The following SLC4A10 variants were observed in gnomAD, a reference collection of about 807,000 sequenced individuals.
SLC4A10 encodes the protein sodium-driven chloride bicarbonate exchanger.
A neutral mutation model predicts 137.7 loss-of-function variants in SLC4A10; 42 were observed. The observed-to-expected ratio is 0.30, with a 90% CI of 0.24 to 0.39. The LOEUF (loss-of-function observed/expected upper bound fraction) is 0.39, where lower values mean the gene tolerates loss of function less well. Ranked by LOEUF, SLC4A10 falls within the 10% of genes least tolerant of loss-of-function variation. The pLI is 1.00. For missense variants in SLC4A10, 925 were observed against 1,355.0 expected (o/e 0.68, Z 4.98); for synonymous variants, 474 against 464.1 (o/e 1.02, Z -0.27).
intron 3 of SLC4A10, among the ~76,000 whole-genome samples, chr2:161,818,884 T>G (rs1483721681): frequency 6.6e-6 from 1 of 152,178 alleles, no homozygotes; most frequent in African/African-American, 2.4e-5. Context: ...TTTGCCAGTA[T>G]TTTATTGAGG....
intron 11 of SLC4A10, among the ~76,000 whole-genome samples, chr2:161,899,565 A>G (rs2063882611): frequency 8.5e-5 from 13 of 152,072 alleles, no homozygotes; most frequent in Admixed American, 8.5e-4. Context: ...TTTCCTTAAT[A>G]TATGTTCTTT....
chr2:161,951,066 A>G (rs1392573889), intron 19 of SLC4A10, among the ~76,000 whole-genome samples: 1 of 152,092 alleles, frequency 6.6e-6, no homozygotes, highest in Non-Finnish European at 1.5e-5. Flanking sequence ...CTGAGAACTC[A>G]CCTCCAAGGC....
chr2:161,904,668 T>C (rs1313159563), intron 13 of SLC4A10, 108 bp from the exon 14 acceptor site: 3 of 1,387,166 alleles, frequency 2.2e-6, no homozygotes, highest in Non-Finnish European at 2.9e-6. Context: ...GCTAGACTTT[T>C]CAGGGTGAAG....
At chr2:161,836,224 G>A (rs370405746) in intron 3 of SLC4A10, among the ~76,000 whole-genome samples, 1 of 152,114 alleles carries the variant, frequency 6.6e-6, no homozygotes, top group African/African-American at 2.4e-5. Flanking sequence ...GAAGACAGTT[G>A]TGGTGGCTCA....
At position 161,641,816 on chromosome 2, in the gene SLC4A10, A is replaced by C. The variant is rs138208211; in HGVS notation, c.48+17250A>C. ...TTGCTAAATCTTTATGAGGATAATG[A>C]AATGGTGAACTTAATATCCACATTG... On this transcript the variant is annotated intron_variant, in intron 1 of 26. Coordinates refer to ENST00000446997, the MANE Select transcript of SLC4A10 (RefSeq NM_001178015.2). Among the ~76,000 whole-genome samples, 6 of 152,190 alleles carry C rather than the reference A, an allele frequency of 3.9e-5. 1 individual carries two copies. In the East Asian group the frequency reaches 1.2e-3, roughly 29 times the overall value.
intron 12 of SLC4A10, among the ~76,000 whole-genome samples, chr2:161,903,271 T>C (rs1683534930): frequency 2.0e-5 from 3 of 152,210 alleles, no homozygotes; most frequent in Admixed American, 2.0e-4. Flanking sequence ...AGGTCACTAT[T>C]GTCTTGTGAA....
At chr2:161,812,351 T>G (rs953041338) in intron 3 of SLC4A10, among the ~76,000 whole-genome samples, 2 of 152,048 alleles carry the variant, frequency 1.3e-5, no homozygotes, top group African/African-American at 4.8e-5. Context: ...TTCAAACATT[T>G]TAACTACATA....
intron 1 of SLC4A10, among the ~76,000 whole-genome samples, chr2:161,681,297 T>C (rs2105854620): frequency 6.6e-6 from 1 of 152,238 alleles, no homozygotes; most frequent in East Asian, 1.9e-4. Flanking sequence ...AACTTAATCA[T>C]CATGTGGCAT....
chr2:161,983,534 G>C lies in SLC4A10; in HGVS notation c.*382G>C, dbSNP rs1001078839. ...TTATGAGAGCAATAGCTTCCTTAAA[G>C]AGATAAGTCATATTTACCTAGTTTG... On this transcript the variant is annotated 3_prime_UTR_variant, in exon 27 of 27. Transcript: ENST00000446997. 6 of 291,710 alleles carry C rather than the reference G, an allele frequency of 2.1e-5. No individual in the cohort carries two copies. The East Asian group carries it at 3.8e-4, about 18-fold the overall frequency. The allele number at this position is 291,710 out of a possible 1,614,324, so 18.1% of individuals were successfully genotyped here. A position where few individuals can be genotyped will look rare whatever the true frequency, so the allele number is the denominator to read the frequency against.
intron 3 of SLC4A10, among the ~76,000 whole-genome samples, chr2:161,808,451 C>T (rs62190674): frequency 0.066 from 10,101 of 152,040 alleles, 438 homozygotes; most frequent in East Asian, 0.15. Context: ...GATTCGGGGG[C>T]ATGTGTGCAG....
At chr2:161,723,480 TC>T (rs1359002308) in intron 1 of SLC4A10, among the ~76,000 whole-genome samples, 1 of 152,182 alleles carries the variant, frequency 6.6e-6, no homozygotes. Flanking sequence ...TGTACTTCCT[TC>T]TGGTTTCGTT....
chr2:161,650,809 G>A (rs1469019972), intron 1 of SLC4A10, among the ~76,000 whole-genome samples: 2 of 152,200 alleles, frequency 1.3e-5, no homozygotes, highest in Non-Finnish European at 2.9e-5. Flanking sequence ...GGGAGGCTGA[G>A]TGGGGGCTGG....
intron 1 of SLC4A10, among the ~76,000 whole-genome samples, chr2:161,767,771 A>G (rs975163697): frequency 2.6e-5 from 4 of 151,994 alleles, no homozygotes; most frequent in Non-Finnish European, 5.9e-5. Context: ...CAATGTCTCA[A>G]CTTCTTCATT....
chr2:161,812,336 C>T (rs2056632671), intron 3 of SLC4A10, among the ~76,000 whole-genome samples: 3 of 151,986 alleles, frequency 2.0e-5, no homozygotes, highest in Admixed American at 2.0e-4. Flanking sequence ...TATCCCTCTA[C>T]TTTCTTCAAA....
intron 1 of SLC4A10, among the ~76,000 whole-genome samples, chr2:161,761,326 G>T (rs1195030803): frequency 2.0e-5 from 3 of 152,044 alleles, no homozygotes; most frequent in Non-Finnish European, 4.4e-5. Context: ...GCTTAGGGAA[G>T]GACACAGCAG....
chr2:161,941,783 A>G (rs532303235), intron 15 of SLC4A10, among the ~76,000 whole-genome samples: 19 of 152,244 alleles, frequency 1.2e-4, no homozygotes, highest in South Asian at 1.0e-3. Flanking sequence ...ACTGGTGGTT[A>G]ACAAGGTAGG....
chr2:161,643,519 C>T (rs933237449), intron 1 of SLC4A10, among the ~76,000 whole-genome samples: 1 of 151,904 alleles, frequency 6.6e-6, no homozygotes, highest in Non-Finnish European at 1.5e-5. Flanking sequence ...AAACTACATC[C>T]AAATATGAGT....
intron 8 of SLC4A10, among the ~76,000 whole-genome samples, chr2:161,877,752 T>G (rs2061524084): frequency 6.6e-6 from 1 of 152,054 alleles, no homozygotes; most frequent in Admixed American, 6.6e-5. Flanking sequence ...TTAAAAATTT[T>G]GGATGTATAA....
rs115896279 is a variant in SLC4A10 at position 161,707,602 on chromosome 2, A to G, written c.49-63371A>G. 6.9e-3 allele frequency among the ~76,000 whole-genome samples: 1,045 copies of G among 151,454 alleles called. 10 individuals carry two copies. The highest frequency in any genetic ancestry group is 0.023 in the African/African-American group (971 of 41,446). ...ACTTTATCAATCTTAAAGTTCCCTG[A>G]TTCTGCTATGTTGTGGTAAAAGAAA... On this transcript the variant is annotated intron_variant, in intron 1 of 26. Coordinates refer to ENST00000446997, the MANE Select transcript of SLC4A10 (RefSeq NM_001178015.2).
Sources: allele counts gnomAD v4.1 joint callset (sites outside exome capture counted in the v4.1 genomes callset), GRCh38; gene constraint gnomAD v4.1.1; transcripts MANE v1.5; gene names NCBI Gene and HGNC (gene_info 2026-07-23, HGNC 2026-07-21).